The following ATP1A3 variants were observed in gnomAD, a reference collection of about 807,000 sequenced individuals.
The protein encoded by ATP1A3 is ATPase Na+/K+ transporting subunit alpha 3, also known as sodium/potassium-transporting ATPase subunit alpha-3.
A neutral mutation model predicts 108.8 loss-of-function variants in ATP1A3; 12 were observed. That is an observed-to-expected ratio of 0.11 (90% CI 0.07 to 0.18). The LOEUF (loss-of-function observed/expected upper bound fraction) is 0.18, where lower values mean the gene tolerates loss of function less well. Among genes scored for constraint, ATP1A3 ranks in the 10% least tolerant of loss-of-function variants. The pLI is 1.00. For missense variants in ATP1A3, 498 were observed against 1,387.7 expected, an observed-to-expected ratio of 0.36 and a Z score of 10.19; for synonymous variants, 539 against 564.5, an observed-to-expected ratio of 0.95 and a Z score of 0.64.
Position 41,993,500 on chromosome 19 carries a change from TGCACACAC to T in ATP1A3, c.6+563_6+570del, listed in dbSNP as rs1385632212. 8 of 1,094,454 alleles carry T rather than the reference TGCACACAC, an allele frequency of 7.3e-6. No individual in the cohort carries two copies. In the East Asian group the frequency reaches 2.3e-4, roughly 31 times the overall value. The allele number at this position is 1,094,454 out of a possible 1,614,324, so 67.8% of individuals were successfully genotyped here. On this transcript the variant is annotated intron_variant, in intron 1 of 22. Coordinates refer to ENST00000648268, the MANE Select transcript of ATP1A3 (RefSeq NM_152296.5). ...CCCCAGGCTGCGACACTGCGGAGCCTGCACACACACACACACACACACACACACACACA... is the reference window on the plus strand; with the variant it reads ...CCCCAGGCTGCGACACTGCGGAGCCTACACACACACACACACACACACACA...
In ATP1A3 at chr19:41,984,801, G is replaced by A. The variant is rs2075270595; in HGVS notation, c.993+117C>T. ...TCCTCCCCCAGACACACGGGTCCAG[G>A]CCTCTAGCCCCTCCTCCCTCAGACT... On this transcript the variant is annotated intron_variant, in intron 8 of 22. Transcript: ENST00000648268. 4.0e-6 allele frequency: 5 copies of A among 1,247,094 alleles called. No individual in the cohort carries two copies. The African/African-American group carries it at 4.6e-5, about 11-fold the overall frequency. 77.3% of individuals were successfully genotyped at this position (1,247,094 alleles called of 1,614,324 possible).
chr19:41,979,704 G>A lies in ATP1A3; in HGVS notation c.1438-906C>T, dbSNP rs1254126554. On this transcript the variant is annotated intron_variant, in intron 11 of 22. Coordinates refer to ENST00000648268, the MANE Select transcript of ATP1A3 (RefSeq NM_152296.5). ...TAGGGCTGGGAGTGTCGGGGAGGAGGGGGCGGGTGACAGCTGAGAGATGTG... is the reference window on the plus strand; with the variant it reads ...TAGGGCTGGGAGTGTCGGGGAGGAGAGGGCGGGTGACAGCTGAGAGATGTG... 1.3e-5 allele frequency among the ~76,000 whole-genome samples: 2 copies of A among 152,156 alleles called. 1 individual carries two copies. The highest frequency in any genetic ancestry group is 4.8e-5 in the African/African-American group (2 of 41,424).
intron 1 of ATP1A3, among the ~76,000 whole-genome samples, chr19:41,990,069 G>A (rs2075322317): frequency 6.6e-6 from 1 of 151,944 alleles, no homozygotes. Flanking sequence ...AGTACTTTCT[G>A]TCTCTGTCTT....
In ATP1A3 at chr19:41,975,054, AT is replaced by A. The variant is rs879966768; in HGVS notation, c.2263+574del. Reference sequence around the variant, plus strand: ...GGCTTCCCCCTGGTTGGGCTTGAGAATTTTTTTTTTTTTTTGAGACGGAGTC... The same window carrying A: ...GGCTTCCCCCTGGTTGGGCTTGAGAATTTTTTTTTTTTTTGAGACGGAGTC... On this transcript the variant is annotated intron_variant, in intron 16 of 22. Transcript: ENST00000648268. Among the ~76,000 whole-genome samples, 515 of 144,626 alleles carry A rather than the reference AT, an allele frequency of 3.6e-3. 1 individual carries two copies. The highest frequency in any genetic ancestry group is 9.5e-3 in the East Asian group (47 of 4,956). The allele number at this position is 144,626 out of a possible 152,430, so 94.9% of individuals were successfully genotyped here. A position where few individuals can be genotyped will look rare whatever the true frequency, so the allele number is the denominator to read the frequency against.
At chr19:41,983,667 G>A (rs1555864259) in intron 8 of ATP1A3, among the ~76,000 whole-genome samples, 1 of 147,848 alleles carries the variant, frequency 6.8e-6, no homozygotes, top group African/African-American at 2.5e-5. Context: ...AGAGTGCAGT[G>A]GTTCAATCAT....
intron 1 of ATP1A3, among the ~76,000 whole-genome samples, chr19:41,989,598 C>T (rs1022113419): frequency 9.3e-4 from 141 of 150,832 alleles, no homozygotes; most frequent in African/African-American, 3.2e-3. Context: ...GGATTACAGG[C>T]GTGAGCCACC....
At chr19:41,989,475 C>A (rs532227405) in intron 1 of ATP1A3, among the ~76,000 whole-genome samples, 1 of 152,112 alleles carries the variant, frequency 6.6e-6, no homozygotes, top group Non-Finnish European at 1.5e-5. Context: ...CCCGCCACTA[C>A]GCCCGGCTCA....
Position 41,985,483 on chromosome 19 carries a change from G to T in ATP1A3, c.607-60C>A, listed in dbSNP as rs540374865. The T allele has an allele frequency of 7.5e-5, 112 of 1,496,044 alleles. No homozygotes were observed. In the Admixed American group the frequency reaches 9.5e-4, roughly 13 times the overall value. The allele number at this position is 1,496,044 out of a possible 1,614,324, so 92.7% of individuals were successfully genotyped here. A position where few individuals can be genotyped will look rare whatever the true frequency, so the allele number is the denominator to read the frequency against. ...CAGGGCCTGGGACAGGAGGGTATTT[G>T]TGTACAGGGCTTGGGGCTGAAGCCT... On this transcript the variant is annotated intron_variant, in intron 6 of 22. Transcript: ENST00000648268. The surrounding 1 kb of genome is among the most constrained non-coding windows in gnomAD (Gnocchi z 8.2).
chr19:41,978,460 A>G lies in ATP1A3; in HGVS notation c.1631-134T>C, dbSNP rs2145965508. ...CCAGTCAGCATTCATTTCCTAGGAT[A>G]CCTTCCCCTCTCATCCATCCATTCA... On this transcript the variant is annotated intron_variant, in intron 12 of 22. Coordinates refer to ENST00000648268, the MANE Select transcript of ATP1A3 (RefSeq NM_152296.5). The surrounding 1 kb of genome is among the most constrained non-coding windows in gnomAD (Gnocchi z 8.3). The G allele has an allele frequency of 6.8e-7, 1 of 1,468,048 alleles. No homozygotes were observed. Among genetic ancestry groups the G allele is most frequent in the Non-Finnish European group, 9.3e-7 (1 of 1,075,446 alleles). 90.9% of individuals were successfully genotyped at this position (1,468,048 alleles called of 1,614,324 possible). A position where few individuals can be genotyped will look rare whatever the true frequency, so the allele number is the denominator to read the frequency against.
intron 4 of ATP1A3, chr19:41,986,558 C>G: frequency 3.0e-6 from 1 of 335,864 alleles, no homozygotes; most frequent in East Asian, 7.9e-5. Context: ...CCTCCTGCCT[C>G]AGCCTCCTGA....
chr19:41,981,881 T>C lies in ATP1A3; in HGVS notation c.1192+27A>G. 1.2e-6 allele frequency: 2 copies of C among 1,614,208 alleles called. No homozygotes were observed. The highest frequency in any genetic ancestry group is 1.7e-6 in the Non-Finnish European group (2 of 1,180,030). Reference sequence around the variant, plus strand: ...AGGGACTCCTGGAGCCAGGCCCCCATGGTCCTCACCCGGGGCCTGCGCTCA... The same window carrying C: ...AGGGACTCCTGGAGCCAGGCCCCCACGGTCCTCACCCGGGGCCTGCGCTCA... On this transcript the variant is annotated intron_variant, in intron 9 of 22. Transcript: ENST00000648268. The surrounding 1 kb of genome is among the most constrained non-coding windows in gnomAD (Gnocchi z 5.0).
intron 11 of ATP1A3, among the ~76,000 whole-genome samples, chr19:41,979,044 C>T (rs1274784329): frequency 6.6e-6 from 1 of 151,754 alleles, no homozygotes; most frequent in Non-Finnish European, 1.5e-5. Context: ...GCTCTGTTGC[C>T]CAGGCTGGAG....
At chr19:41,971,257 C>T (rs1472338787) in intron 16 of ATP1A3, among the ~76,000 whole-genome samples, 1 of 152,156 alleles carries the variant, frequency 6.6e-6, no homozygotes, top group East Asian at 1.9e-4. Flanking sequence ...CACCTGGCCC[C>T]TCACCCACCT....
chr19:41,981,734 G>A lies in ATP1A3; in HGVS notation c.1290C>T (p.Ile430=). Residue 430 remains isoleucine, a synonymous_variant, in exon 10 of 23, where the codon ATC becomes ATT. Coordinates refer to ENST00000648268, the MANE Select transcript of ATP1A3 (RefSeq NM_152296.5). This position sits in a 1 kb window ranked among gnomAD's most constrained non-coding sequence, Gnocchi z 5.0. ...RAVFKGGQDN[I]PVLKRDVAGD... is the part of the protein sequence containing the mutation. ...TAGCTGAACCCACCTTGAGCACAGG[G>A]ATGTTGTCCTGACCACCCTTGAAGA... is the stretch of plus-strand genomic sequence containing the variant. 1 of 1,614,206 alleles carries A rather than the reference G, an allele frequency of 6.2e-7. No homozygotes were observed. The highest frequency in any genetic ancestry group is 1.7e-5 in the Admixed American group (1 of 60,020).
At chr19:41,980,112 A>G (rs2075213963) in intron 11 of ATP1A3, among the ~76,000 whole-genome samples, 1 of 152,216 alleles carries the variant, frequency 6.6e-6, no homozygotes, top group Non-Finnish European at 1.5e-5. Context: ...TGTGCCTGCT[A>G]CCGGAGCGCT....
At position 41,967,560 on chromosome 19, in the gene ATP1A3, G is replaced by A; in HGVS notation, c.2921+102C>T. On this transcript the variant is annotated intron_variant, in intron 21 of 22. Coordinates refer to ENST00000648268, the MANE Select transcript of ATP1A3 (RefSeq NM_152296.5). This position sits in a 1 kb window ranked among gnomAD's most constrained non-coding sequence, Gnocchi z 4.2. ...GGGCATCAGAATGGGGACTGCAGTG[G>A]GGACACCAGGGGAGGTGGGGCCTGA... The A allele has an allele frequency of 2.3e-6, 3 of 1,304,766 alleles. No homozygotes were observed. Among genetic ancestry groups the A allele is most frequent in the Non-Finnish European group, 3.2e-6 (3 of 925,034 alleles). 80.8% of individuals were successfully genotyped at this position (1,304,766 alleles called of 1,614,324 possible). A position where few individuals can be genotyped will look rare whatever the true frequency, so the allele number is the denominator to read the frequency against.
rs1555866431 is a variant in ATP1A3 at position 41,988,645 on chromosome 19, C to A, written c.7-83G>T. 1.2e-6 allele frequency: 2 copies of A among 1,610,050 alleles called. No homozygotes were observed. Among genetic ancestry groups the A allele is most frequent in the Non-Finnish European group, 1.7e-6 (2 of 1,178,882 alleles). The stretch of plus-strand genomic sequence containing the variant: ...TCCAGGAGGACACCGGCCCTCCATG[C>A]CCCAGCTATCCTCCTGGCCGGTGCC... On this transcript the variant is annotated intron_variant, in intron 1 of 22. Coordinates refer to ENST00000648268, the MANE Select transcript of ATP1A3 (RefSeq NM_152296.5). The surrounding 1 kb of genome is among the most constrained non-coding windows in gnomAD (Gnocchi z 5.3).
At position 41,988,542 on chromosome 19, in the gene ATP1A3, G is replaced by C. The variant is rs781919964; in HGVS notation, c.27C>G (p.Asp9Glu). 6 of 1,614,052 alleles carry C rather than the reference G, an allele frequency of 3.7e-6. No homozygotes were observed. In the South Asian group the frequency reaches 4.4e-5, roughly 12 times the overall value. The change falls in exon 2 of 23, where the codon GAC becomes GAG. Residue 9 changes from aspartate (D) to glutamate (E), a missense_variant. Asp to Glu is a conservative substitution (Grantham distance 45, BLOSUM62 2). Around this residue, in one of 9 missense-constraint regions of ATP1A3, gnomAD observed 41 missense variants for 59.7 expected, o/e 0.69. Coordinates refer to ENST00000648268, the MANE Select transcript of ATP1A3 (RefSeq NM_152296.5). This position sits in a 1 kb window ranked among gnomAD's most constrained non-coding sequence, Gnocchi z 5.3. Reference sequence around the variant, plus strand: ...CCTTGCCCTTGTTCTTCTTGGGTGAGTCCTTGTCATCTTTCTTGTCCTGCG... The same window carrying C: ...CCTTGCCCTTGTTCTTCTTGGGTGACTCCTTGTCATCTTTCTTGTCCTGCG... MGDKKDDK[D>E]SPKKNKGKER...
chr19:41,985,780 C>A lies in ATP1A3; in HGVS notation c.606+84G>T. The A allele has an allele frequency of 3.2e-6, 5 of 1,584,912 alleles. No homozygotes were observed. Among genetic ancestry groups the A allele is most frequent in the Non-Finnish European group, 4.3e-6 (5 of 1,166,906 alleles). On this transcript the variant is annotated intron_variant, in intron 6 of 22. Transcript: ENST00000648268. The surrounding 1 kb of genome is among the most constrained non-coding windows in gnomAD (Gnocchi z 8.2). ...GGGAGGAGGGGTTGGGACCTGGACTCCTGAGTGTGAGGGAGGAGGGGCTGG... is the reference window on the plus strand; with the variant it reads ...GGGAGGAGGGGTTGGGACCTGGACTACTGAGTGTGAGGGAGGAGGGGCTGG...
Sources: gnomAD v4.1 joint callset for allele counts (sites outside exome capture counted in the v4.1 genomes callset) on GRCh38, gnomAD v4.1.1 for gene constraint, gnomAD v4.1.1 regional missense constraint, Gnocchi (gnomAD v3.1) non-coding constraint, MANE v1.5 for transcripts, NCBI Gene and HGNC (gene_info 2026-07-23, HGNC 2026-07-21) for gene names.